PHF21B: variants seen among roughly 807,000 people sequenced by gnomAD.
The protein encoded by PHF21B is PHD finger protein 21B, also known as PHD finger protein 4.
Under a neutral mutation model 62.2 loss-of-function variants are expected in PHF21B, and 22 were observed. The ratio of observed to expected loss-of-function variants is 0.35; its 90% CI spans 0.25 to 0.51. The LOEUF is 0.51. Among genes scored for constraint, PHF21B ranks in the 20% least tolerant of loss-of-function variants. The pLI is 0.97. For synonymous variants in PHF21B, 341 were observed against 314.7 expected, an observed-to-expected ratio of 1.08 and a Z score of -0.88; for missense variants, 701 against 707.9, an observed-to-expected ratio of 0.99 and a Z score of 0.11.
intron 2 of PHF21B, among the ~76,000 whole-genome samples, chr22:44,938,694 T>G (rs1158501948): frequency 6.6e-6 from 1 of 152,192 alleles, no homozygotes; most frequent in Admixed American, 6.5e-5. Flanking sequence ...CTAAGATGCT[T>G]CATCTGGAAT....
At chr22:44,984,089 TCATCATCAC>T (rs1347169136) in intron 2 of PHF21B, among the ~76,000 whole-genome samples, 2 of 38,828 alleles carry the variant, frequency 5.2e-5, no homozygotes, top group South Asian at 8.2e-4. Context: ...ACCATCACCA[TCATCATCAC>T]CATCATCACC....
chr22:44,922,817 GTT>G (rs146289153), intron 2 of PHF21B, among the ~76,000 whole-genome samples: 211 of 152,248 alleles, frequency 1.4e-3, no homozygotes, highest in African/African-American at 4.7e-3. Context: ...CAAAAGAATT[GTT>G]TAAAGACTTA....
chr22:44,883,374 T>C, intron 12 of PHF21B, 70 bp from the exon 13 acceptor site: 1 of 1,435,402 alleles, frequency 7.0e-7, no homozygotes. Context: ...GCAGCCACCG[T>C]CTGGGCCCCT....
chr22:44,951,394 G>T (rs745497588), intron 2 of PHF21B, among the ~76,000 whole-genome samples: 1 of 152,174 alleles, frequency 6.6e-6, no homozygotes, highest in Non-Finnish European at 1.5e-5. Context: ...CGAGCAATGG[G>T]GAGCGGCTGT....
At chr22:44,962,986 C>T (rs182351160) in intron 2 of PHF21B, among the ~76,000 whole-genome samples, 1 of 152,338 alleles carries the variant, frequency 6.6e-6, no homozygotes, top group African/African-American at 2.4e-5. Context: ...TCATGGTTTG[C>T]AAGGTACTGG....
At chr22:44,890,632 T>C (rs901907177) in intron 8 of PHF21B, among the ~76,000 whole-genome samples, 1 of 152,246 alleles carries the variant, frequency 6.6e-6, no homozygotes, top group Non-Finnish European at 1.5e-5. Context: ...CGTGGGACTA[T>C]GGTTTTCTAA....
At chr22:44,944,586 C>A (rs773199023) in intron 2 of PHF21B, among the ~76,000 whole-genome samples, 26 of 152,238 alleles carry the variant, frequency 1.7e-4, no homozygotes, top group Non-Finnish European at 2.9e-4. Context: ...GATGCCAGGC[C>A]AAGTCCACTC....
At position 44,983,682 on chromosome 22, in the gene PHF21B, G is replaced by C. The variant is rs576862311; in HGVS notation, c.120+24863C>G. Among the ~76,000 whole-genome samples, 14 of 152,190 alleles carry C rather than the reference G, an allele frequency of 9.2e-5. No individual in the cohort carries two copies. The East Asian group carries it at 2.1e-3, about 23-fold the overall frequency. On this transcript the variant is annotated intron_variant, in intron 2 of 12. Coordinates refer to ENST00000313237, the MANE Select transcript of PHF21B (RefSeq NM_138415.5). ...TAAGAAAAACCAATGCAGATGAAGAGAAATGTCTAAACACCAATCACATAA... is the reference window on the plus strand; with the variant it reads ...TAAGAAAAACCAATGCAGATGAAGACAAATGTCTAAACACCAATCACATAA...
chr22:44,936,183 C>A (rs1458369179), intron 2 of PHF21B, among the ~76,000 whole-genome samples: 1 of 152,218 alleles, frequency 6.6e-6, no homozygotes, highest in African/African-American at 2.4e-5. Context: ...GGCCAAGCCC[C>A]CTCCCGGGAG....
chr22:44,929,689 G>A (rs958460294), intron 2 of PHF21B, among the ~76,000 whole-genome samples: 1 of 152,270 alleles, frequency 6.6e-6, no homozygotes, highest in African/African-American at 2.4e-5. Flanking sequence ...CCCTGTACCA[G>A]GAGATGCCCG....
At chr22:44,977,990 G>A (rs138766100) in intron 2 of PHF21B, among the ~76,000 whole-genome samples, 193 of 152,226 alleles carry the variant, frequency 1.3e-3, no homozygotes, top group Admixed American at 2.5e-3. Flanking sequence ...GTTGTTGCAC[G>A]TGGCCTCACT....
At chr22:44,985,974 A>G (rs1002840374) in intron 2 of PHF21B, among the ~76,000 whole-genome samples, 1 of 151,854 alleles carries the variant, frequency 6.6e-6, no homozygotes, top group Admixed American at 6.6e-5. Flanking sequence ...CAACACTATG[A>G]CAACCATCCT....
chr22:44,946,087 G>C (rs912542943), intron 2 of PHF21B, among the ~76,000 whole-genome samples: 4 of 152,200 alleles, frequency 2.6e-5, no homozygotes, highest in Non-Finnish European at 4.4e-5. Context: ...TCATCAGGGA[G>C]AGTCAGGCCC....
chr22:44,935,775 G>T (rs1351390355), intron 2 of PHF21B, among the ~76,000 whole-genome samples: 1 of 152,210 alleles, frequency 6.6e-6, no homozygotes, highest in East Asian at 1.9e-4. Context: ...TTCCTCATCT[G>T]TAAGATGGAG....
At chr22:44,991,775 T>C (rs1307958779) in intron 2 of PHF21B, among the ~76,000 whole-genome samples, 1 of 152,222 alleles carries the variant, frequency 6.6e-6, no homozygotes, top group Non-Finnish European at 1.5e-5. Flanking sequence ...CGCTGGTCCA[T>C]CCAGCTCCAT....
intron 2 of PHF21B, among the ~76,000 whole-genome samples, chr22:44,930,613 G>A (rs1364792343): frequency 6.6e-6 from 1 of 152,180 alleles, no homozygotes; most frequent in African/African-American, 2.4e-5. Flanking sequence ...GAGGCTCAGA[G>A]CACTGGAGGC....
chr22:44,996,910 GCATACACA>G (rs898372260), intron 2 of PHF21B, among the ~76,000 whole-genome samples: 2 of 151,844 alleles, frequency 1.3e-5, no homozygotes, highest in African/African-American at 4.8e-5. Context: ...GTGCACACAT[GCATACACA>G]CATGCACACA....
intron 2 of PHF21B, among the ~76,000 whole-genome samples, chr22:44,980,881 G>A (rs1179780313): frequency 6.6e-6 from 1 of 152,216 alleles, no homozygotes; most frequent in Non-Finnish European, 1.5e-5. Flanking sequence ...GCCGCCCAGA[G>A]TCATCACACA....
intron 2 of PHF21B, among the ~76,000 whole-genome samples, chr22:44,962,782 G>A (rs955729902): frequency 2.6e-5 from 4 of 152,118 alleles, no homozygotes; most frequent in African/African-American, 2.4e-5. Context: ...CTCACGGAAC[G>A]GTGGGGGATG....
Sources: gnomAD v4.1 joint callset for allele counts (sites outside exome capture counted in the v4.1 genomes callset) on GRCh38, gnomAD v4.1.1 for gene constraint, MANE v1.5 for transcripts, NCBI Gene and HGNC (gene_info 2026-07-23, HGNC 2026-07-21) for gene names.